Variants in TENM4 observed in about 807,000 individuals in gnomAD.
TENM4 encodes teneurin-4.
Under a neutral mutation model 243.3 loss-of-function variants are expected in TENM4, and 82 were observed. The observed-to-expected ratio is 0.34, with a 90% CI of 0.28 to 0.40. TENM4 has a LOEUF of 0.40. Ranked by LOEUF, TENM4 falls within the 10% of genes least tolerant of loss-of-function variation. The pLI is 1.00. For synonymous variants in TENM4, 1,412 were observed against 1,456.3 expected, an observed-to-expected ratio of 0.97 and a Z score of 0.69; for missense variants, 3,138 against 3,673.3, an observed-to-expected ratio of 0.85 and a Z score of 3.77.
At chr11:78,665,072 T>A (rs1858120926) in intron 32 of TENM4, among the ~76,000 whole-genome samples, 1 of 152,210 alleles carries the variant, frequency 6.6e-6, no homozygotes, top group Non-Finnish European at 1.5e-5. Flanking sequence ...TCTTCACTCA[T>A]CCATCCCAGA....
chr11:79,387,535 T>A (rs909107961), intron 1 of TENM4, among the ~76,000 whole-genome samples: 6 of 152,222 alleles, frequency 3.9e-5, no homozygotes, highest in African/African-American at 1.4e-4. Flanking sequence ...TATTGCAAGG[T>A]TGTTGCAGGA....
rs544074652 is a variant in TENM4, at chr11:79,235,866, G to T, written c.-264-19957C>A. Among the ~76,000 whole-genome samples the T allele has an allele frequency of 7.7e-4, 117 of 152,232 alleles. 1 individual carries two copies. In the Middle Eastern group the frequency reaches 0.014, roughly 18 times the overall value. On this transcript the variant is annotated intron_variant, in intron 2 of 33. Coordinates refer to ENST00000278550, the MANE Select transcript of TENM4 (RefSeq NM_001098816.3). ...GATTTATCTGAACTCTGGTAAGAATGAGGACTTTTTTTTTTAGCTGAACTT... is the reference window on the plus strand; with the variant it reads ...GATTTATCTGAACTCTGGTAAGAATTAGGACTTTTTTTTTTAGCTGAACTT...
intron 19 of TENM4, among the ~76,000 whole-genome samples, chr11:78,747,018 G>T (rs1236650078): frequency 1.5e-4 from 23 of 152,182 alleles, no homozygotes. Flanking sequence ...ATGGGGAAGG[G>T]GCTGATGCCA....
intron 4 of TENM4, among the ~76,000 whole-genome samples, chr11:79,116,516 GTAAA>G (rs1861625114): frequency 7.9e-4 from 2 of 2,540 alleles, no homozygotes; most frequent in Non-Finnish European, 4.4e-3. Context: ...CTGTGAAATA[GTAAA>G]ATAGTATTGT....
At chr11:78,946,619 C>G (rs1264698316) in intron 6 of TENM4, among the ~76,000 whole-genome samples, 1 of 152,206 alleles carries the variant, frequency 6.6e-6, no homozygotes, top group Non-Finnish European at 1.5e-5. Flanking sequence ...AGTGATTCCT[C>G]TGATGGATCT....
At chr11:79,398,234 C>G (rs1858385750) in intron 1 of TENM4, among the ~76,000 whole-genome samples, 1 of 151,720 alleles carries the variant, frequency 6.6e-6, no homozygotes, top group Non-Finnish European at 1.5e-5. Flanking sequence ...CAACCCCCAG[C>G]ACCATGAGTT....
intron 24 of TENM4, among the ~76,000 whole-genome samples, chr11:78,722,298 A>G (rs903653040): frequency 2.0e-5 from 3 of 152,192 alleles, no homozygotes; most frequent in Non-Finnish European, 2.9e-5. Flanking sequence ...TACAGGTATG[A>G]GCAATGGCAC....
intron 3 of TENM4, among the ~76,000 whole-genome samples, chr11:79,176,965 C>A (rs1863171863): frequency 6.6e-6 from 1 of 152,074 alleles, no homozygotes; most frequent in Non-Finnish European, 1.5e-5. Flanking sequence ...ATTGCTTTTA[C>A]CTCTTGTCCA....
At chr11:79,378,836 T>C (rs571899224) in intron 1 of TENM4, among the ~76,000 whole-genome samples, 1 of 148,790 alleles carries the variant, frequency 6.7e-6, no homozygotes, top group African/African-American at 2.5e-5. Context: ...TGAGCTATGA[T>C]TGCACCAATG....
rs115895070 is a variant in TENM4 at position 79,116,318 on chromosome 11, G to A, written c.-66+32392C>T. 3.1e-3 allele frequency among the ~76,000 whole-genome samples: 476 copies of A among 152,330 alleles called. 1 individual carries two copies. The highest frequency in any genetic ancestry group is 0.011 in the African/African-American group (453 of 41,578). ...GATGAAGAAAATGAGTCTCAGAAATGCTAAGTAGCTTGCTCAAACTCACAG... is the reference window on the plus strand; with the variant it reads ...GATGAAGAAAATGAGTCTCAGAAATACTAAGTAGCTTGCTCAAACTCACAG... On this transcript the variant is annotated intron_variant, in intron 4 of 33. Coordinates refer to ENST00000278550, the MANE Select transcript of TENM4 (RefSeq NM_001098816.3).
At chr11:79,282,993 G>T (rs1479216119) in intron 2 of TENM4, among the ~76,000 whole-genome samples, 1 of 151,962 alleles carries the variant, frequency 6.6e-6, no homozygotes, top group Non-Finnish European at 1.5e-5. Context: ...TGTTGTTGTT[G>T]TTTTTCTGAC....
chr11:79,099,882 G>A (rs1861179024), intron 4 of TENM4, among the ~76,000 whole-genome samples: 1 of 152,212 alleles, frequency 6.6e-6, no homozygotes, highest in African/African-American at 2.4e-5. Flanking sequence ...GGGTGCCCAT[G>A]GGGGTTTTAA....
chr11:79,163,914 G>C (rs1451883914), intron 3 of TENM4, among the ~76,000 whole-genome samples: 1 of 137,838 alleles, frequency 7.3e-6, no homozygotes, highest in African/African-American at 2.7e-5. Flanking sequence ...TCGTATATAG[G>C]TATATATCCA....
At chr11:78,691,826 T>A (rs1047278820) in intron 28 of TENM4, among the ~76,000 whole-genome samples, 2 of 152,186 alleles carry the variant, frequency 1.3e-5, no homozygotes, top group African/African-American at 4.8e-5. Context: ...ATTTATAAAA[T>A]TTTCTTGTCT....
intron 2 of TENM4, among the ~76,000 whole-genome samples, chr11:79,262,684 G>A (rs940131977): frequency 6.6e-5 from 10 of 152,332 alleles, no homozygotes; most frequent in Middle Eastern, 6.8e-3. Context: ...GCTTGGAGAA[G>A]CAGCTTGGTG....
intron 3 of TENM4, among the ~76,000 whole-genome samples, chr11:79,211,702 T>G (rs1281006190): frequency 6.6e-6 from 1 of 152,260 alleles, no homozygotes; most frequent in Non-Finnish European, 1.5e-5. Context: ...TTTATTATTG[T>G]TAATTTAAAT....
rs1858290666 is a variant in TENM4 at position 78,670,356 on chromosome 11, G to T, written c.5989C>A (p.His1997Asn). The part of the protein sequence containing the change: ...SVIQDFTEDG[H>N]LLHTFYLGTG... ...CCCAGGTAGAAGGTGTGAAGGAGGT[G>T]CCCATCCTCAGTGAAGTCCTGTATG... The change falls in exon 32 of 34, where the codon CAC (histidine) becomes AAC (asparagine). Residue 1997 changes from histidine to asparagine, a missense_variant. Physicochemically the swap from His to Asn is moderately conservative, Grantham distance 68. Around this residue, in one of 2 missense-constraint regions of TENM4, gnomAD observed 2,467 missense variants for 3,059.1 expected, o/e 0.81. Coordinates refer to ENST00000278550, the MANE Select transcript of TENM4 (RefSeq NM_001098816.3). 6.2e-7 allele frequency: 1 copy of T among 1,613,906 alleles called. No individual in the cohort carries two copies. The highest frequency in any genetic ancestry group is 1.6e-4 in the Middle Eastern group (1 of 6,062).
rs1025239341 is a variant in TENM4, at chr11:78,657,156, G to A, written c.*902C>T. 9 of 398,574 alleles carry A rather than the reference G, an allele frequency of 2.3e-5. No homozygotes were observed. The South Asian group carries it at 3.8e-4, about 17-fold the overall frequency. The allele number at this position is 398,574 out of a possible 1,614,324, so 24.7% of individuals were successfully genotyped here. ...ATTGAAGGCTTGCTGTGCAGTGCTC[G>A]TTCTCACATCTGGCTTTGGGAGAAA... On this transcript the variant is annotated 3_prime_UTR_variant, in exon 34 of 34. Transcript: ENST00000278550.
At chr11:79,311,851 A>G (rs1429343369) in intron 1 of TENM4, among the ~76,000 whole-genome samples, 1 of 152,194 alleles carries the variant, frequency 6.6e-6, no homozygotes, top group Non-Finnish European at 1.5e-5. Flanking sequence ...TTGCCCTGCA[A>G]CTTAAGCCCT....
Sources: gnomAD v4.1 joint callset for allele counts (sites outside exome capture counted in the v4.1 genomes callset) on GRCh38, gnomAD v4.1.1 for gene constraint, gnomAD v4.1.1 regional missense constraint, MANE v1.5 for transcripts, NCBI Gene and HGNC (gene_info 2026-07-23, HGNC 2026-07-21) for gene names.